FRMD6: variants seen among roughly 807,000 people sequenced by gnomAD.
FRMD6 encodes the protein FERM domain-containing protein 6.
FRMD6 carries 37 observed loss-of-function variants against 73.2 expected under a neutral mutation model. That is an observed-to-expected ratio of 0.51 (90% CI 0.39 to 0.66). The LOEUF (loss-of-function observed/expected upper bound fraction) is 0.66. Ranked by LOEUF, FRMD6 falls within the 30% of genes least tolerant of loss-of-function variation. The probability of loss-of-function intolerance (pLI) is 0.00; values close to 1 mark genes in which losing one functional copy is unlikely to be tolerated. For synonymous variants in FRMD6, 273 were observed against 282.2 expected (o/e 0.97, Z 0.33); for missense variants, 714 against 780.5 (o/e 0.91, Z 1.02).
At chr14:51,697,683 G>T (rs1050341533) in intron 2 of FRMD6, among the ~76,000 whole-genome samples, 1 of 151,788 alleles carries the variant, frequency 6.6e-6, no homozygotes, top group Non-Finnish European at 1.5e-5. Context: ...ATGTTAGTCT[G>T]ATTTATTCAT....
At chr14:51,516,148 A>G (rs1360475301) in intron 1 of FRMD6, among the ~76,000 whole-genome samples, 1 of 152,162 alleles carries the variant, frequency 6.6e-6, no homozygotes, top group Non-Finnish European at 1.5e-5. Flanking sequence ...AGAGCTGCCC[A>G]CTGGTGAACC....
In FRMD6 at chr14:51,501,868, G is replaced by A. The variant is rs138984375; in HGVS notation, c.-210+12448G>A. On this transcript the variant is annotated intron_variant, in intron 1 of 14. Transcript: ENST00000356218. ...TGTGTAAAAGTGTTCCTTTTAATCT[G>A]CAACCTTGCCAGCATCTGTTGTTTT... is the stretch of plus-strand genomic sequence containing the variant. Among the ~76,000 whole-genome samples the A allele has an allele frequency of 1.9e-4, 29 of 152,144 alleles. No individual in the cohort carries two copies. The Middle Eastern group carries it at 0.01, about 54-fold the overall frequency.
upstream of FRMD6, among the ~76,000 whole-genome samples, chr14:51,485,556 G>A (rs1339152799): frequency 6.6e-6 from 1 of 152,116 alleles, no homozygotes; most frequent in Non-Finnish European, 1.5e-5. Context: ...CACCATTCCT[G>A]TTTGAGGAAC....
At chr14:51,684,752 T>C (rs115010029) in intron 1 of FRMD6, among the ~76,000 whole-genome samples, 1,861 of 152,244 alleles carry the variant, frequency 0.012, 49 homozygotes, top group African/African-American at 0.042. Flanking sequence ...TGGCCCAAAA[T>C]GTCAGTAGTG....
intron 2 of FRMD6, among the ~76,000 whole-genome samples, chr14:51,628,344 G>A (rs892049991): frequency 1.3e-5 from 2 of 152,120 alleles, no homozygotes; most frequent in Non-Finnish European, 2.9e-5. Context: ...CATCTTACAT[G>A]TATAATTTAA....
chr14:51,490,889 TCCAAGG>T (rs1169072982), intron 1 of FRMD6, among the ~76,000 whole-genome samples: 1 of 152,164 alleles, frequency 6.6e-6, no homozygotes, highest in Non-Finnish European at 1.5e-5. Flanking sequence ...AATCCAGTTC[TCCAAGG>T]CCAAGAATAG....
At chr14:51,417,133 A>C in the FRMD6 span, among the ~76,000 whole-genome samples, 2 of 152,024 alleles carry the variant, frequency 1.3e-5, no homozygotes, top group African/African-American at 2.4e-5. Flanking sequence ...CTTTTAATTG[A>C]GGCATTTAGC....
At chr14:51,422,120 A>G in the FRMD6 span, among the ~76,000 whole-genome samples, 2 of 152,218 alleles carry the variant, frequency 1.3e-5, no homozygotes, top group Non-Finnish European at 2.9e-5. Context: ...TTTATATACC[A>G]TAATACAATT....
At chr14:51,507,626 G>A (rs941956289) in intron 1 of FRMD6, among the ~76,000 whole-genome samples, 5 of 152,158 alleles carry the variant, frequency 3.3e-5, no homozygotes, top group African/African-American at 1.2e-4. Flanking sequence ...AGCTTCTGAA[G>A]CGGAGGACCT....
chr14:51,547,293 A>G (rs17124153), intron 1 of FRMD6, among the ~76,000 whole-genome samples: 2,431 of 152,334 alleles, frequency 0.016, 65 homozygotes, highest in African/African-American at 0.055. Context: ...CATAATTCTA[A>G]CGAGTGTAAA....
At chr14:51,404,046 TACC>T in the FRMD6 span, among the ~76,000 whole-genome samples, 1 of 152,230 alleles carries the variant, frequency 6.6e-6, no homozygotes, top group African/African-American at 2.4e-5. Flanking sequence ...AAGTGTTATG[TACC>T]ACATGTACAT....
chr14:51,624,761 TA>T (rs1340587210), intron 2 of FRMD6, among the ~76,000 whole-genome samples: 2 of 152,192 alleles, frequency 1.3e-5, no homozygotes, highest in Admixed American at 6.5e-5. Flanking sequence ...CTGAGATAGC[TA>T]AACACCAGCA....
At chr14:51,612,132 T>C (rs1890536417) in intron 2 of FRMD6, among the ~76,000 whole-genome samples, 1 of 152,244 alleles carries the variant, frequency 6.6e-6, no homozygotes, top group Non-Finnish European at 1.5e-5. Flanking sequence ...TGCCTGAACA[T>C]CTGCAAGTTG....
intron 2 of FRMD6, among the ~76,000 whole-genome samples, chr14:51,583,767 G>A (rs143138124): frequency 2.6e-3 from 390 of 152,300 alleles, no homozygotes; most frequent in Non-Finnish European, 4.5e-3. Context: ...GGTGCAGCCC[G>A]AAGTCACTCA....
chr14:51,415,508 T>C, the FRMD6 span, among the ~76,000 whole-genome samples: 30 of 152,320 alleles, frequency 2.0e-4, no homozygotes, highest in Non-Finnish European at 3.8e-4. Flanking sequence ...GAAGCTGACT[T>C]GATTGTGGTG....
chr14:51,574,693 G>A (rs1399212493), intron 2 of FRMD6, among the ~76,000 whole-genome samples: 7 of 152,112 alleles, frequency 4.6e-5, no homozygotes, highest in African/African-American at 1.7e-4. Context: ...TGGGGTGGGG[G>A]AAGTGGGAAT....
chr14:51,491,805 A>G (rs1268691316), intron 1 of FRMD6, among the ~76,000 whole-genome samples: 3 of 152,224 alleles, frequency 2.0e-5, no homozygotes, highest in African/African-American at 7.2e-5. Context: ...AAGACAGTAC[A>G]GCTCTGTGAG....
At chr14:51,505,151 AG>A (rs750224868) in intron 1 of FRMD6, among the ~76,000 whole-genome samples, 11 of 152,176 alleles carry the variant, frequency 7.2e-5, no homozygotes, top group Non-Finnish European at 1.5e-4. Context: ...GAACTAAGAA[AG>A]GCTTTCTGTC....
At chr14:51,423,407 C>T in the FRMD6 span, among the ~76,000 whole-genome samples, 22 of 152,302 alleles carry the variant, frequency 1.4e-4, no homozygotes, top group East Asian at 2.7e-3. Context: ...TCTCAGCTTG[C>T]GTGTAGCTAC....
Sources: allele counts gnomAD v4.1 joint callset (sites outside exome capture counted in the v4.1 genomes callset), GRCh38; gene constraint gnomAD v4.1.1; transcripts MANE v1.5; gene names NCBI Gene and HGNC (gene_info 2026-07-23, HGNC 2026-07-21).